CNTNAP2: variants seen among roughly 807,000 people sequenced by gnomAD.
The protein encoded by CNTNAP2 is contactin associated protein 2.
CNTNAP2 carries 98 observed loss-of-function variants against 155.2 expected under a neutral mutation model. That is an observed-to-expected ratio of 0.63 (90% confidence interval 0.54 to 0.75). CNTNAP2 has a LOEUF of 0.75. Among genes scored for constraint, CNTNAP2 ranks in the 30% least tolerant of loss-of-function variants. CNTNAP2 has a pLI of 0.00. For synonymous variants in CNTNAP2, 651 were observed against 631.2 expected (o/e 1.03, Z -0.47); for missense variants, 1,727 against 1,688.1 (o/e 1.02, Z -0.40).
intron 1 of CNTNAP2, among the ~76,000 whole-genome samples, chr7:146,322,767 A>G (rs1307278815): frequency 6.6e-6 from 1 of 151,256 alleles, no homozygotes; most frequent in Non-Finnish European, 1.5e-5. Flanking sequence ...ACGGATAATA[A>G]TAGAGGTGGT....
At chr7:148,111,826 G>A (rs1804360022) in intron 15 of CNTNAP2, among the ~76,000 whole-genome samples, 2 of 152,218 alleles carry the variant, frequency 1.3e-5, no homozygotes, top group Admixed American at 6.5e-5. Context: ...TGACTCATCA[G>A]AGGAACATGG....
At chr7:147,416,408 C>T (rs550872341) in intron 10 of CNTNAP2, among the ~76,000 whole-genome samples, 18 of 152,272 alleles carry the variant, frequency 1.2e-4, no homozygotes, top group African/African-American at 3.9e-4. Flanking sequence ...CCACATTGAG[C>T]CAATAAAGTT....
Position 147,223,730 on chromosome 7 carries a change from C to T in CNTNAP2, c.1349-76411C>T, listed in dbSNP as rs546057173. Among the ~76,000 whole-genome samples, 32 of 152,150 alleles carry T rather than the reference C, an allele frequency of 2.1e-4. No homozygotes were observed. In the South Asian group the frequency reaches 5.6e-3, roughly 27 times the overall value. Reference sequence around the variant, plus strand: ...GGCCGAGGCAGGCGGATCATGAGGTCAGGAGATCGAGACCATCCTGACAAA... The same window carrying T: ...GGCCGAGGCAGGCGGATCATGAGGTTAGGAGATCGAGACCATCCTGACAAA... On this transcript the variant is annotated intron_variant, in intron 8 of 23. Coordinates refer to ENST00000361727, the MANE Select transcript of CNTNAP2 (RefSeq NM_014141.6).
At chr7:147,034,521 A>T (rs1040193919) in intron 3 of CNTNAP2, among the ~76,000 whole-genome samples, 1 of 152,198 alleles carries the variant, frequency 6.6e-6, no homozygotes, top group African/African-American at 2.4e-5. Flanking sequence ...TGCCATCTGC[A>T]GGTGGCTTGT....
intron 15 of CNTNAP2, among the ~76,000 whole-genome samples, chr7:148,051,376 C>T (rs540666744): frequency 4.0e-5 from 6 of 151,606 alleles, no homozygotes; most frequent in South Asian, 2.1e-4. Flanking sequence ...AGTGGCCATC[C>T]GGAAGTTATG....
intron 1 of CNTNAP2, among the ~76,000 whole-genome samples, chr7:146,248,462 G>C (rs1185070477): frequency 1.3e-5 from 2 of 152,150 alleles, no homozygotes; most frequent in Non-Finnish European, 2.9e-5. Context: ...TTAAACACCA[G>C]GGGAAGGCTG....
At chr7:146,739,020 C>G (rs2129180731) in intron 1 of CNTNAP2, among the ~76,000 whole-genome samples, 2 of 151,836 alleles carry the variant, frequency 1.3e-5, no homozygotes, top group Middle Eastern at 3.4e-3. Flanking sequence ...TAGTCTTTCT[C>G]TTTCTGCCTT....
chr7:147,759,363 T>C (rs758004954), intron 13 of CNTNAP2, among the ~76,000 whole-genome samples: 13 of 152,220 alleles, frequency 8.5e-5, no homozygotes, highest in Admixed American at 3.9e-4. Flanking sequence ...TTAGACATTC[T>C]GAATAAAACA....
At chr7:147,341,154 A>T (rs930909849) in intron 9 of CNTNAP2, among the ~76,000 whole-genome samples, 1 of 151,438 alleles carries the variant, frequency 6.6e-6, no homozygotes, top group Non-Finnish European at 1.5e-5. Flanking sequence ...TATCTGCTCC[A>T]TTGCAGCCAT....
At chr7:146,142,562 C>A (rs969299919) in intron 1 of CNTNAP2, among the ~76,000 whole-genome samples, 2 of 152,150 alleles carry the variant, frequency 1.3e-5, no homozygotes, top group African/African-American at 4.8e-5. Flanking sequence ...ATAGAAAAAT[C>A]TATTGATAGC....
chr7:147,871,175 A>C (rs17170710), intron 13 of CNTNAP2, among the ~76,000 whole-genome samples: 5,925 of 152,276 alleles, frequency 0.039, 367 homozygotes, highest in African/African-American at 0.14. Context: ...TTTAAATATG[A>C]TTTAGATATG....
At position 147,451,125 on chromosome 7, in the gene CNTNAP2, C is replaced by A. The variant is rs532713020; in HGVS notation, c.1671-34810C>A. Reference sequence around the variant, plus strand: ...GAGTCAATATAAGACAGTCAATATACGGGTCCTTTGTTGAGGCAAAAAACT... The same window carrying A: ...GAGTCAATATAAGACAGTCAATATAAGGGTCCTTTGTTGAGGCAAAAAACT... On this transcript the variant is annotated intron_variant, in intron 10 of 23. Coordinates refer to ENST00000361727, the MANE Select transcript of CNTNAP2 (RefSeq NM_014141.6). Among the ~76,000 whole-genome samples the A allele has an allele frequency of 3.9e-5, 6 of 152,254 alleles. No homozygotes were observed. The South Asian group carries it at 8.3e-4, about 21-fold the overall frequency.
In CNTNAP2 at chr7:147,635,723, A is replaced by T. The variant is rs568702751; in HGVS notation, c.1898-3383A>T. On this transcript the variant is annotated intron_variant, in intron 12 of 23. Transcript: ENST00000361727. Reference sequence around the variant, plus strand: ...GAAGTTGTGTAAGATAGAGACTGTAAATGGGTGACCATTTGGTTTTATTTG... The same window carrying T: ...GAAGTTGTGTAAGATAGAGACTGTATATGGGTGACCATTTGGTTTTATTTG... Among the ~76,000 whole-genome samples the T allele has an allele frequency of 2.9e-4, 44 of 152,296 alleles. 1 individual carries two copies. The South Asian group carries it at 8.7e-3, about 30-fold the overall frequency.
chr7:148,330,564 GGATGGATGGAGT>G, intron 21 of CNTNAP2, among the ~76,000 whole-genome samples: 1 of 132,520 alleles, frequency 7.5e-6, no homozygotes. Flanking sequence ...TGGATAGAGT[GGATGGATGGAGT>G]GGATGGATGG....
At chr7:146,682,362 C>T (rs1800520112) in intron 1 of CNTNAP2, among the ~76,000 whole-genome samples, 1 of 152,126 alleles carries the variant, frequency 6.6e-6, no homozygotes, top group South Asian at 2.1e-4. Context: ...TCTTTGTACA[C>T]TGCTCAATAG....
chr7:146,279,321 A>G (rs566911435), intron 1 of CNTNAP2, among the ~76,000 whole-genome samples: 24 of 152,234 alleles, frequency 1.6e-4, no homozygotes, highest in African/African-American at 5.1e-4. Flanking sequence ...ATGCATTTTT[A>G]TTGAAAATAA....
chr7:146,145,344 C>T (rs1019050462), intron 1 of CNTNAP2, among the ~76,000 whole-genome samples: 6 of 152,182 alleles, frequency 3.9e-5, no homozygotes, highest in African/African-American at 1.2e-4. Context: ...GCCTCTCTTA[C>T]TTCCAAATTA....
chr7:146,971,614 T>C (rs746512519), intron 3 of CNTNAP2, among the ~76,000 whole-genome samples: 3 of 152,206 alleles, frequency 2.0e-5, no homozygotes, highest in African/African-American at 4.8e-5. Flanking sequence ...AAGAGGCTTT[T>C]CTAGGGAGGG....
At chr7:146,155,035 C>T (rs747970066) in intron 1 of CNTNAP2, among the ~76,000 whole-genome samples, 1 of 152,126 alleles carries the variant, frequency 6.6e-6, no homozygotes, top group South Asian at 2.1e-4. Flanking sequence ...TAGATATAAA[C>T]TCTAATTGCT....
Sources: gnomAD v4.1 joint callset for allele counts (sites outside exome capture counted in the v4.1 genomes callset) on GRCh38, gnomAD v4.1.1 for gene constraint, MANE v1.5 for transcripts, NCBI Gene and HGNC (gene_info 2026-07-23, HGNC 2026-07-21) for gene names.